Variants in ZBTB41 observed in about 807,000 individuals in gnomAD.
The protein encoded by ZBTB41 is zinc finger and BTB domain containing 41.
A neutral mutation model predicts 87.6 loss-of-function variants in ZBTB41; 42 were observed. The observed-to-expected ratio is 0.48, with a 90% CI of 0.37 to 0.62. The LOEUF is 0.62. Ranked by LOEUF, ZBTB41 falls within the 20% of genes least tolerant of loss-of-function variation. The probability of loss-of-function intolerance (pLI) is 0.00; values close to 1 mark genes in which losing one functional copy is unlikely to be tolerated. For synonymous variants in ZBTB41, 364 were observed against 364.0 expected (o/e 1.00, Z 0.00); for missense variants, 799 against 1,078.9 (o/e 0.74, Z 3.63).
intron 10 of ZBTB41, among the ~76,000 whole-genome samples, chr1:197,169,119 G>T (rs1236570972): frequency 6.6e-6 from 1 of 151,974 alleles, no homozygotes; most frequent in Non-Finnish European, 1.5e-5. Context: ...TCTCATATGT[G>T]GCTGCTGGTG....
intron 6 of ZBTB41, 150 bp downstream of exon 6, chr1:197,180,838 T>C (rs1274750390): frequency 1.3e-6 from 1 of 793,820 alleles, no homozygotes. Flanking sequence ...CCATAACATT[T>C]GTGTAATTCC....
Position 197,159,442 on chromosome 1 carries a change from C to T in ZBTB41, c.2647G>A (p.Glu883Lys). 1 of 1,613,838 alleles carries T rather than the reference C, an allele frequency of 6.2e-7. No individual in the cohort carries two copies. Among genetic ancestry groups the T allele is most frequent in the Non-Finnish European group, 8.5e-7 (1 of 1,179,788 alleles). The change falls in exon 11 of 11, where the codon GAA becomes AAA. Residue 883 changes from glutamate (E) to lysine (K), a missense_variant. Glu to Lys is a moderately conservative substitution (Grantham distance 56). Coordinates refer to ENST00000367405, the MANE Select transcript of ZBTB41 (RefSeq NM_194314.3). ...AGTAATGTTCCAAGATAAGATTGTT[C>T]TCTAGGATCTAGCATTTGTTCAGGT... ...VRPEQMLDPREQSYLGTLLGL... is the reference protein window; with the variant it reads ...VRPEQMLDPRKQSYLGTLLGL...
intron 10 of ZBTB41, among the ~76,000 whole-genome samples, chr1:197,165,786 A>G (rs1659329160): frequency 6.6e-6 from 1 of 152,166 alleles, no homozygotes; most frequent in Admixed American, 6.5e-5. Flanking sequence ...AAAAATATAT[A>G]TATAAGCCAG....
At chr1:197,187,705 G>A (rs1017302874) in intron 5 of ZBTB41, among the ~76,000 whole-genome samples, 1 of 152,044 alleles carries the variant, frequency 6.6e-6, no homozygotes, top group Non-Finnish European at 1.5e-5. Flanking sequence ...CTAAGTGGAA[G>A]AAGGCAACCT....
intron 7 of ZBTB41, among the ~76,000 whole-genome samples, chr1:197,177,968 T>C (rs1557980594): frequency 6.6e-6 from 1 of 152,044 alleles, no homozygotes; most frequent in African/African-American, 2.4e-5. Flanking sequence ...AAACTGCAAA[T>C]ATGGTCAAGG....
intron 5 of ZBTB41, among the ~76,000 whole-genome samples, chr1:197,182,448 T>A (rs1324371449): frequency 6.6e-6 from 1 of 151,830 alleles, no homozygotes. Context: ...TTTATTTATT[T>A]ATTTTTTCTA....
intron 5 of ZBTB41, among the ~76,000 whole-genome samples, chr1:197,182,245 T>C (rs909122415): frequency 6.6e-6 from 1 of 152,178 alleles, no homozygotes; most frequent in Non-Finnish European, 1.5e-5. Flanking sequence ...ACTATCTGTA[T>C]AGCTGGCGGC....
chr1:197,178,934 G>T (rs1441655090), intron 6 of ZBTB41, among the ~76,000 whole-genome samples: 1 of 152,044 alleles, frequency 6.6e-6, no homozygotes, highest in African/African-American at 2.4e-5. Flanking sequence ...TTAAAGCAAA[G>T]AAAATGTTGT....
intron 2 of ZBTB41, among the ~76,000 whole-genome samples, chr1:197,194,418 A>G (rs1660111894): frequency 6.6e-6 from 1 of 152,186 alleles, no homozygotes. Context: ...GTCTTTGCTG[A>G]AAAGATGTTA....
chr1:197,181,370 C>T (rs563799702), intron 5 of ZBTB41, among the ~76,000 whole-genome samples: 3 of 152,144 alleles, frequency 2.0e-5, no homozygotes, highest in Non-Finnish European at 4.4e-5. Flanking sequence ...ATGGCCAATT[C>T]CTGGTTTGAA....
chr1:197,186,182 T>C (rs1659877194), intron 5 of ZBTB41, among the ~76,000 whole-genome samples: 2 of 151,556 alleles, frequency 1.3e-5, no homozygotes, highest in South Asian at 2.1e-4. Context: ...TACATAAATA[T>C]GGTCAACTAA....
At position 197,178,131 on chromosome 1, in the gene ZBTB41, T is replaced by A. The variant is rs1470422158; in HGVS notation, c.1772+286A>T. ...AGTGGAGAAATACACTAAGTTTAAC[T>A]GACTTTTCATTCAGAGAAAAGTAAT... On this transcript the variant is annotated intron_variant, in intron 7 of 10. Transcript: ENST00000367405. Among the ~76,000 whole-genome samples the A allele has an allele frequency of 2.6e-5, 4 of 151,980 alleles. No individual in the cohort carries two copies. The East Asian group carries it at 7.7e-4, about 29-fold the overall frequency.
In ZBTB41 at chr1:197,191,685, T is replaced by C; in HGVS notation, c.1328+7A>G. 6.2e-7 allele frequency: 1 copy of C among 1,607,500 alleles called. No homozygotes were observed. The highest frequency in any genetic ancestry group is 1.1e-5 in the South Asian group (1 of 90,046). ...AAAGTATATTATGGAAGCAAGATAA[T>C]ACTTGCCTCTTAACATGCTTGGCTA... On this transcript the variant is annotated splice_region_variant and intron_variant, in intron 3 of 10. Transcript: ENST00000367405.
intron 2 of ZBTB41, among the ~76,000 whole-genome samples, chr1:197,195,782 G>A (rs941685007): frequency 2.6e-5 from 4 of 152,050 alleles, no homozygotes; most frequent in African/African-American, 7.2e-5. Context: ...TAAGGGGAAA[G>A]GTCAAAGGAC....
At chr1:197,174,964 A>C in intron 9 of ZBTB41, 46 bp downstream of exon 9, 1 of 1,479,060 alleles carries the variant, frequency 6.8e-7, no homozygotes, top group South Asian at 1.2e-5. Flanking sequence ...CTTTCCTCAG[A>C]GACTTAGCCA....
intron 8 of ZBTB41, chr1:197,176,047 T>G (rs1659599333): frequency 6.6e-6 from 1 of 152,184 alleles, no homozygotes; most frequent in African/African-American, 2.4e-5. Context: ...ATCCCCAGAA[T>G]ATAAAAATTA....
intron 7 of ZBTB41, among the ~76,000 whole-genome samples, chr1:197,177,973 T>G (rs189220846): frequency 6.6e-6 from 1 of 152,038 alleles, no homozygotes; most frequent in Non-Finnish European, 1.5e-5. Context: ...GCAAATATGG[T>G]CAAGGATTCA....
intron 7 of ZBTB41, 106 bp downstream of exon 7, chr1:197,178,311 T>G: frequency 1.4e-6 from 1 of 736,166 alleles, no homozygotes; most frequent in Non-Finnish European, 2.0e-6. Context: ...TTGCATATCA[T>G]AAGGACTAAG....
Position 197,159,616 on chromosome 1 carries a change from C to T in ZBTB41, c.2473G>A (p.Val825Met). 1 of 1,613,930 alleles carries T rather than the reference C, an allele frequency of 6.2e-7. No individual in the cohort carries two copies. The highest frequency in any genetic ancestry group is 8.5e-7 in the Non-Finnish European group (1 of 1,179,920). The change falls in exon 11 of 11, where the codon GTG (valine) becomes ATG (methionine). Residue 825 changes from valine (V) to methionine (M), a missense_variant. Physicochemically the swap from Val to Met is conservative, Grantham distance 21 (BLOSUM62 1). Around this residue, in one of 5 missense-constraint regions of ZBTB41, gnomAD observed 171 missense variants for 191.9 expected, o/e 0.89. Coordinates refer to ENST00000367405, the MANE Select transcript of ZBTB41 (RefSeq NM_194314.3). ...GGTGGGAGTGTGGTAGTATGACGCA[C>T]TAGGTCACTCGGAGTGTCAGGCATC... ...VQMPDTPSDL[V>M]RHTTTLPPSS...
Sources: allele counts gnomAD v4.1 joint callset (sites outside exome capture counted in the v4.1 genomes callset), GRCh38; gene constraint gnomAD v4.1.1; regional missense constraint gnomAD v4.1.1; transcripts MANE v1.5; gene names NCBI Gene and HGNC (gene_info 2026-07-23, HGNC 2026-07-21).